Variants in TBC1D32 observed in about 807,000 individuals in gnomAD.
TBC1D32 encodes TBC1 domain family member 32.
A neutral mutation model predicts 170.3 loss-of-function variants in TBC1D32; 151 were observed. That is an observed-to-expected ratio of 0.89 (90% CI 0.78 to 1.01). TBC1D32 has a LOEUF of 1.01. Ranked by LOEUF, TBC1D32 falls within the 50% of genes least tolerant of loss-of-function variation. The pLI is 0.00. For missense variants in TBC1D32, 1,464 were observed against 1,457.1 expected (o/e 1.00, Z -0.08); for synonymous variants, 498 against 488.0 (o/e 1.02, Z -0.27).
intron 10 of TBC1D32, among the ~76,000 whole-genome samples, chr6:121,298,556 G>C (rs1805997312): frequency 6.6e-6 from 1 of 152,026 alleles, no homozygotes; most frequent in Non-Finnish European, 1.5e-5. Context: ...ATGGGAATGA[G>C]AGAAAAATCA....
intron 4 of TBC1D32, among the ~76,000 whole-genome samples, chr6:121,308,473 G>A (rs1300593822): frequency 1.3e-5 from 2 of 151,738 alleles, no homozygotes; most frequent in African/African-American, 2.4e-5. Flanking sequence ...CAGTTTGAGG[G>A]CTTTAATTTC....
intron 30 of TBC1D32, among the ~76,000 whole-genome samples, chr6:121,103,043 C>T (rs1778298275): frequency 6.6e-6 from 1 of 152,168 alleles, no homozygotes; most frequent in Non-Finnish European, 1.5e-5. Context: ...GATACCATCT[C>T]ATGCCAGTTA....
chr6:121,186,487 T>C (rs950211905), intron 22 of TBC1D32, among the ~76,000 whole-genome samples: 1 of 152,032 alleles, frequency 6.6e-6, no homozygotes, highest in Non-Finnish European at 1.5e-5. Context: ...GTGGGGTTGT[T>C]TGAATTACAA....
intron 27 of TBC1D32, among the ~76,000 whole-genome samples, chr6:121,114,337 T>G (rs1049896372): frequency 6.6e-6 from 1 of 152,214 alleles, no homozygotes; most frequent in African/African-American, 2.4e-5. Context: ...ATAATAACTT[T>G]GCTTATTTCT....
chr6:121,123,401 G>T (rs1780479820), intron 26 of TBC1D32, among the ~76,000 whole-genome samples: 1 of 152,018 alleles, frequency 6.6e-6, no homozygotes, highest in Admixed American at 6.6e-5. Context: ...TTTGTTTTAT[G>T]AATCTGGGTG....
At chr6:121,139,135 C>T (rs1395706435) in intron 24 of TBC1D32, among the ~76,000 whole-genome samples, 1 of 152,138 alleles carries the variant, frequency 6.6e-6, no homozygotes, top group African/African-American at 2.4e-5. Flanking sequence ...AGTGAGCTAC[C>T]GTGCCCAGCC....
chr6:121,115,237 A>G lies in TBC1D32; in HGVS notation c.2988T>C (p.Thr996=). ...GACTTTCATTCTTCACATTTGCATCAGTAGCTAAAGACAACAGAAAACTGA... is the reference window on the plus strand; with the variant it reads ...GACTTTCATTCTTCACATTTGCATCGGTAGCTAAAGACAACAGAAAACTGA... ...CYFPSVEYTA[T]DANVKNESLS... The change falls in exon 27 of 32, where the codon ACT becomes ACC. Residue 996 remains threonine, a synonymous_variant. Transcript: ENST00000398212. The G allele has an allele frequency of 6.3e-7, 1 of 1,597,132 alleles. No individual in the cohort carries two copies. Among genetic ancestry groups the G allele is most frequent in the Non-Finnish European group, 8.5e-7 (1 of 1,170,202 alleles).
At chr6:121,301,999 G>C (rs947775697) in intron 9 of TBC1D32, among the ~76,000 whole-genome samples, 1 of 151,966 alleles carries the variant, frequency 6.6e-6, no homozygotes, top group Non-Finnish European at 1.5e-5. Flanking sequence ...TCAAAACCTT[G>C]GGTTTTAAAC....
At chr6:121,113,324 G>T in intron 27 of TBC1D32, 147 bp from the exon 28 acceptor site, 1 of 510,494 alleles carries the variant, frequency 2.0e-6, no homozygotes, top group Non-Finnish European at 3.5e-6. Context: ...GATATATTTG[G>T]ATTAACAGTA....
chr6:121,113,284 T>G, intron 27 of TBC1D32, 107 bp from the exon 28 acceptor site: 1 of 623,192 alleles, frequency 1.6e-6, no homozygotes, highest in South Asian at 2.6e-5. Context: ...TATGAAAGAT[T>G]AGCTCTCAAT....
At chr6:121,152,941 A>G (rs186010563) in intron 24 of TBC1D32, among the ~76,000 whole-genome samples, 1 of 152,284 alleles carries the variant, frequency 6.6e-6, no homozygotes, top group East Asian at 1.9e-4. Flanking sequence ...GCATTGGATT[A>G]GAAAGTGCTC....
At chr6:121,323,604 A>C (rs1439165384) in intron 1 of TBC1D32, among the ~76,000 whole-genome samples, 1 of 152,202 alleles carries the variant, frequency 6.6e-6, no homozygotes, top group Non-Finnish European at 1.5e-5. Flanking sequence ...GGCTACATTC[A>C]AAATTCCCAA....
At chr6:121,233,556 G>A (rs750139744) in intron 20 of TBC1D32, among the ~76,000 whole-genome samples, 3 of 152,140 alleles carry the variant, frequency 2.0e-5, no homozygotes, top group East Asian at 1.9e-4. Context: ...TCCACTGCAC[G>A]GAATATCTTT....
At chr6:121,089,471 G>A (rs1309232696) in intron 31 of TBC1D32, among the ~76,000 whole-genome samples, 2 of 152,196 alleles carry the variant, frequency 1.3e-5, no homozygotes, top group East Asian at 3.9e-4. Flanking sequence ...GTCCCTTACT[G>A]AAAATGAACC....
chr6:121,144,766 C>T (rs1222858601), intron 24 of TBC1D32, among the ~76,000 whole-genome samples: 1 of 151,976 alleles, frequency 6.6e-6, no homozygotes, highest in East Asian at 1.9e-4. Flanking sequence ...GTCATGAGAT[C>T]CTCACAACAG....
chr6:121,299,399 T>C (rs568650187), intron 10 of TBC1D32, 47 bp downstream of exon 10: 4 of 1,448,722 alleles, frequency 2.8e-6, no homozygotes, highest in Non-Finnish European at 3.7e-6. Flanking sequence ...ATCATATATA[T>C]TCTGGTGATA....
chr6:121,110,849 C>T (rs1779131649), intron 29 of TBC1D32, among the ~76,000 whole-genome samples: 1 of 152,050 alleles, frequency 6.6e-6, no homozygotes, highest in Admixed American at 6.6e-5. Flanking sequence ...GATAGAATTC[C>T]TGTCGAGGAA....
chr6:121,093,314 G>A (rs1214876350), intron 30 of TBC1D32, among the ~76,000 whole-genome samples: 2 of 152,112 alleles, frequency 1.3e-5, no homozygotes, highest in East Asian at 3.9e-4. Flanking sequence ...GCTCCCTCTC[G>A]ACTAGGCAGA....
intron 1 of TBC1D32, among the ~76,000 whole-genome samples, chr6:121,327,029 TA>T (rs1470005696): frequency 2.0e-5 from 3 of 152,024 alleles, no homozygotes; most frequent in African/African-American, 7.3e-5. Flanking sequence ...CAACACCCCA[TA>T]AAATACTAAA....
Sources: gnomAD v4.1 joint callset for allele counts (sites outside exome capture counted in the v4.1 genomes callset) on GRCh38, gnomAD v4.1.1 for gene constraint, MANE v1.5 for transcripts, NCBI Gene and HGNC (gene_info 2026-07-23, HGNC 2026-07-21) for gene names.